The following DST variants were observed in gnomAD, a reference collection of about 807,000 sequenced individuals.
The protein encoded by DST is bullous pemphigoid antigen.
A neutral mutation model predicts 875.2 loss-of-function variants in DST; 253 were observed. That is an observed-to-expected ratio of 0.29 (90% CI 0.26 to 0.32). The LOEUF (loss-of-function observed/expected upper bound fraction) is 0.32. DST is among the 10% of genes least tolerant of loss of function. The probability of loss-of-function intolerance (pLI) is 1.00; values close to 1 mark genes in which losing one functional copy is unlikely to be tolerated. For missense variants in DST, 8,287 were observed against 9,111.6 expected, an observed-to-expected ratio of 0.91 and a Z score of 3.68; for synonymous variants, 3,124 against 3,197.1, an observed-to-expected ratio of 0.98 and a Z score of 0.77.
intron 4 of DST, among the ~76,000 whole-genome samples, chr6:56,750,262 C>T (rs2152951168): frequency 6.6e-6 from 1 of 152,086 alleles, no homozygotes; most frequent in African/African-American, 2.4e-5. Flanking sequence ...AGAGTTTACC[C>T]ACTAGAGAAT....
chr6:56,885,695 G>C (rs1784400049), intron 3 of DST, among the ~76,000 whole-genome samples: 1 of 152,176 alleles, frequency 6.6e-6, no homozygotes, highest in Non-Finnish European at 1.5e-5. Context: ...CTTCCACCAG[G>C]TGAGGATGCA....
intron 89 of DST, 49 bp downstream of exon 89, chr6:56,482,634 T>C: frequency 6.4e-7 from 1 of 1,566,008 alleles, no homozygotes; most frequent in Non-Finnish European, 8.7e-7. Context: ...CTTGTTGAGG[T>C]TTCAATACTT....
At chr6:56,648,532 T>C (rs769782860) in intron 13 of DST, 38 bp downstream of exon 13, 35 of 1,520,530 alleles carry the variant, frequency 2.3e-5, no homozygotes, top group Non-Finnish European at 3.1e-5. Flanking sequence ...GGGTTTACAA[T>C]TGAATCAATC....
At chr6:56,512,143 C>T (rs1210592749) in intron 72 of DST, among the ~76,000 whole-genome samples, 1 of 152,190 alleles carries the variant, frequency 6.6e-6, no homozygotes, top group Non-Finnish European at 1.5e-5. Flanking sequence ...TCTATCAATA[C>T]ACAGCTATAT....
chr6:56,498,169 G>A lies in DST; in HGVS notation c.19897-116C>T, dbSNP rs574999426. 12 of 1,039,270 alleles carry A rather than the reference G, an allele frequency of 1.2e-5. No individual in the cohort carries two copies. In the East Asian group the frequency reaches 2.4e-4, roughly 21 times the overall value. The allele number at this position is 1,039,270 out of a possible 1,614,324, so 64.4% of individuals were successfully genotyped here. ...ATCCTCAAACAAAAACGTTATATGT[G>A]TAGAATTTTAATTTTTTTTAAAGAG... is the stretch of plus-strand genomic sequence containing the variant. On this transcript the variant is annotated intron_variant, in intron 80 of 103. Coordinates refer to ENST00000680361, the MANE Select transcript of DST (RefSeq NM_001374736.1).
intron 4 of DST, among the ~76,000 whole-genome samples, chr6:56,777,117 T>A (rs1012203261): frequency 6.6e-6 from 1 of 152,118 alleles, no homozygotes; most frequent in African/African-American, 2.4e-5. Flanking sequence ...TGCTGATTAT[T>A]CTTTACTTGG....
intron 4 of DST, among the ~76,000 whole-genome samples, chr6:56,827,473 CT>C (rs2153056125): frequency 7.1e-6 from 1 of 141,462 alleles, no homozygotes; most frequent in East Asian, 2.1e-4. Flanking sequence ...TGCCACTGCA[CT>C]CCAGCCTGGG....
intron 4 of DST, among the ~76,000 whole-genome samples, chr6:56,744,431 A>T (rs778476185): frequency 2.6e-5 from 4 of 152,008 alleles, no homozygotes; most frequent in African/African-American, 9.7e-5. Flanking sequence ...AATAATATGG[A>T]GGGAGAAGAA....
At chr6:56,466,525 T>C (rs1299179758) in intron 98 of DST, 1 of 169,906 alleles carries the variant, frequency 5.9e-6, no homozygotes, top group African/African-American at 2.4e-5. Context: ...GAATTAAACA[T>C]AGCCATGAAA....
intron 63 of DST, among the ~76,000 whole-genome samples, chr6:56,534,888 A>C (rs2096966586): frequency 3.3e-5 from 5 of 152,166 alleles, no homozygotes; most frequent in Admixed American, 3.3e-4. Context: ...CTTTGAACTC[A>C]ATGAGAAATG....
At chr6:56,485,852 T>C (rs1535610) in intron 87 of DST, among the ~76,000 whole-genome samples, 48,181 of 151,908 alleles carry the variant, frequency 0.32, 7,863 homozygotes, top group Middle Eastern at 0.43. Flanking sequence ...ATTCACGTAA[T>C]CATCACCACA....
chr6:56,851,886 C>T lies in DST; in HGVS notation c.418-282G>A, dbSNP rs1265343089. On this transcript the variant is annotated intron_variant, in intron 3 of 103. Coordinates refer to ENST00000680361, the MANE Select transcript of DST (RefSeq NM_001374736.1). ...AAGAAGTGTGTGGCCTGTGGTCCGG[C>T]CACCAGCTCACAAATGACTGGCCCA... 6 of 1,549,568 alleles carry T rather than the reference C, an allele frequency of 3.9e-6. No homozygotes were observed. The African/African-American group carries it at 8.2e-5, about 21-fold the overall frequency.
intron 49 of DST, among the ~76,000 whole-genome samples, chr6:56,585,327 G>C (rs954296014): frequency 2.6e-5 from 4 of 152,166 alleles, no homozygotes; most frequent in Non-Finnish European, 5.9e-5. Flanking sequence ...TCTTGGGAGA[G>C]TGTATGTGTC....
chr6:56,825,357 A>G (rs1315494978), intron 4 of DST, among the ~76,000 whole-genome samples: 2 of 149,602 alleles, frequency 1.3e-5, no homozygotes, highest in Admixed American at 6.6e-5. Flanking sequence ...GGACACAAAC[A>G]CTGCAGAAGG....
chr6:56,525,216 C>T (rs974850410), intron 69 of DST, among the ~76,000 whole-genome samples: 1 of 152,054 alleles, frequency 6.6e-6, no homozygotes. Context: ...AGTTGGGAAA[C>T]GTTCAAATAC....
At chr6:56,601,868 G>A in intron 43 of DST, 192 bp from the exon 44 acceptor site, 1 of 494,062 alleles carries the variant, frequency 2.0e-6, no homozygotes. Context: ...TAAATACCAT[G>A]GTAGTTAGTA....
chr6:56,710,881 G>GT (rs1331975984), intron 5 of DST, among the ~76,000 whole-genome samples: 3 of 152,260 alleles, frequency 2.0e-5, no homozygotes, highest in Admixed American at 6.5e-5. Context: ...GGCGGTTATG[G>GT]TTTTTTAAGG....
chr6:56,750,863 T>C (rs4305712), intron 4 of DST, among the ~76,000 whole-genome samples: 10,850 of 152,212 alleles, frequency 0.071, 1,226 homozygotes, highest in African/African-American at 0.24. Context: ...GCTTTAAAAG[T>C]GTTCATAATG....
chr6:56,913,207 T>A (rs1040042272), intron 2 of DST, among the ~76,000 whole-genome samples: 4 of 152,254 alleles, frequency 2.6e-5, no homozygotes, highest in Non-Finnish European at 4.4e-5. Context: ...ACAACAATTA[T>A]TTCTACTTAT....
Sources: gnomAD v4.1 joint callset for allele counts (sites outside exome capture counted in the v4.1 genomes callset) on GRCh38, gnomAD v4.1.1 for gene constraint, MANE v1.5 for transcripts, NCBI Gene and HGNC (gene_info 2026-07-23, HGNC 2026-07-21) for gene names.